CLASP2: variants seen among roughly 807,000 people sequenced by gnomAD.
CLASP2 encodes CLIP-associating protein 2.
Under a neutral mutation model 194.4 loss-of-function variants are expected in CLASP2, and 47 were observed. The observed-to-expected ratio is 0.24, with a 90% CI of 0.19 to 0.31. CLASP2 has a LOEUF of 0.31. CLASP2 is among the 10% of genes least tolerant of loss of function. CLASP2 has a pLI of 1.00. For synonymous variants in CLASP2, 619 were observed against 633.5 expected, an observed-to-expected ratio of 0.98 and a Z score of 0.34; for missense variants, 1,445 against 1,823.6, an observed-to-expected ratio of 0.79 and a Z score of 3.78.
At chr3:33,592,064 G>A in intron 21 of CLASP2, 1 of 612,656 alleles carries the variant, frequency 1.6e-6, no homozygotes, top group Admixed American at 2.7e-5. Context: ...ATATCTCCAT[G>A]CAAAAGTTTG....
At position 33,673,955 on chromosome 3, in the gene CLASP2, GAC is replaced by G. The variant is rs1403391295; in HGVS notation, c.644+10402_644+10403del. 5.9e-5 allele frequency among the ~76,000 whole-genome samples: 9 copies of G among 152,246 alleles called. No individual in the cohort carries two copies. The East Asian group carries it at 1.5e-3, about 26-fold the overall frequency. On this transcript the variant is annotated intron_variant, in intron 6 of 38. Coordinates refer to ENST00000682230, the MANE Select transcript of CLASP2 (RefSeq NM_001365631.1). Reference sequence around the variant, plus strand: ...CAGATTCATAAAGAAAGTCCTGAGTGACCTACAAAGAGACTTAGACTCCCACA... The same window carrying G: ...CAGATTCATAAAGAAAGTCCTGAGTGCTACAAAGAGACTTAGACTCCCACA...
At chr3:33,540,017 A>C (rs1293766049) in intron 32 of CLASP2, among the ~76,000 whole-genome samples, 3 of 151,302 alleles carry the variant, frequency 2.0e-5, no homozygotes, top group Non-Finnish European at 4.4e-5. Context: ...TCTCAGGCTC[A>C]AGCGATTCTC....
chr3:33,501,812 G>T, intron 37 of CLASP2, 44 bp from the exon 38 acceptor site: 1 of 1,199,114 alleles, frequency 8.3e-7, no homozygotes, highest in Non-Finnish European at 1.2e-6. Flanking sequence ...GAAGTCCACT[G>T]TTAGTACTCC....
chr3:33,596,144 G>C (rs898222327), intron 19 of CLASP2, among the ~76,000 whole-genome samples: 3 of 151,434 alleles, frequency 2.0e-5, no homozygotes, highest in African/African-American at 7.3e-5. Flanking sequence ...TATCATACAG[G>C]GTTGTTACTG....
chr3:33,712,833 G>A (rs2093083562), intron 1 of CLASP2, among the ~76,000 whole-genome samples: 1 of 151,610 alleles, frequency 6.6e-6, no homozygotes, highest in African/African-American at 2.4e-5. Context: ...ATGGTGGTGC[G>A]TGCCTGTAAT....
rs1347735141 is a variant in CLASP2 at position 33,560,879 on chromosome 3, T to C, written c.2859A>G (p.Leu953=). The C allele has an allele frequency of 1.2e-6, 2 of 1,613,842 alleles. No individual in the cohort carries two copies. Among genetic ancestry groups the C allele is most frequent in the African/African-American group, 1.3e-5 (1 of 74,928 alleles). Residue 953 remains leucine (L), a synonymous_variant, in exon 28 of 39, where the codon CTA becomes CTG. Coordinates refer to ENST00000682230, the MANE Select transcript of CLASP2 (RefSeq NM_001365631.1). The part of the protein sequence containing the change: ...QDWLFVLLTQ[L]LKKMGADLLG... Reference sequence around the variant, plus strand: ...GCAAATCAGCACCCATTTTTTTTAGTAGTTGTGTCAGCAGTACAAACAACC... The same window carrying C: ...GCAAATCAGCACCCATTTTTTTTAGCAGTTGTGTCAGCAGTACAAACAACC...
At chr3:33,506,544 A>G (rs1230094073) in intron 37 of CLASP2, among the ~76,000 whole-genome samples, 2 of 151,992 alleles carry the variant, frequency 1.3e-5, no homozygotes, top group African/African-American at 2.4e-5. Flanking sequence ...GAGTTCCAAA[A>G]AAGTTGATTC....
chr3:33,504,837 C>T (rs150142823), intron 37 of CLASP2: 2,077 of 152,624 alleles, frequency 0.014, 54 homozygotes, highest in African/African-American at 0.047. Context: ...TGACAGGAGG[C>T]GAAGCTCAGG....
At chr3:33,531,257 T>C (rs2056221070) in intron 34 of CLASP2, among the ~76,000 whole-genome samples, 2 of 152,010 alleles carry the variant, frequency 1.3e-5, no homozygotes, top group Non-Finnish European at 2.9e-5. Flanking sequence ...CAGAGTAAAA[T>C]GGCAACCCAC....
intron 5 of CLASP2, among the ~76,000 whole-genome samples, chr3:33,685,109 G>C (rs963189005): frequency 4.0e-5 from 6 of 151,556 alleles, no homozygotes; most frequent in Non-Finnish European, 7.4e-5. Context: ...GGGAGACCAA[G>C]GCTGGCGGTT....
chr3:33,690,612 T>C (rs2091241708), intron 2 of CLASP2, among the ~76,000 whole-genome samples: 1 of 152,214 alleles, frequency 6.6e-6, no homozygotes, highest in Non-Finnish European at 1.5e-5. Context: ...CTTTACTTTC[T>C]GTGGTTTCAG....
intron 28 of CLASP2, among the ~76,000 whole-genome samples, 195 bp from the exon 29 acceptor site, chr3:33,559,580 G>C (rs749830036): frequency 1.3e-5 from 2 of 152,180 alleles, no homozygotes; most frequent in Non-Finnish European, 2.9e-5. Context: ...ATCTGAATTT[G>C]TACTCAGTAC....
intron 13 of CLASP2, 115 bp from the exon 14 acceptor site, chr3:33,608,741 TA>T: frequency 2.7e-6 from 1 of 374,712 alleles, no homozygotes; most frequent in Non-Finnish European, 4.8e-6. Flanking sequence ...TGTTTTTAGA[TA>T]TCTTTTTTTT....
intron 32 of CLASP2, among the ~76,000 whole-genome samples, chr3:33,540,516 G>T (rs1156892600): frequency 6.6e-6 from 1 of 151,854 alleles, no homozygotes; most frequent in Non-Finnish European, 1.5e-5. Flanking sequence ...TGCTAGGATT[G>T]CAAGTGTGAG....
intron 6 of CLASP2, among the ~76,000 whole-genome samples, chr3:33,676,841 T>C (rs1452735574): frequency 6.6e-6 from 1 of 152,112 alleles, no homozygotes. Flanking sequence ...TACAATGAAC[T>C]TGAACAAATT....
intron 1 of CLASP2, among the ~76,000 whole-genome samples, chr3:33,698,288 T>C (rs2092107110): frequency 1.3e-5 from 2 of 152,038 alleles, no homozygotes; most frequent in South Asian, 4.1e-4. Flanking sequence ...AGGAAAAAGA[T>C]AAAAAGCCTT....
intron 7 of CLASP2, among the ~76,000 whole-genome samples, chr3:33,653,786 G>A (rs554101244): frequency 1.4e-4 from 21 of 152,168 alleles, no homozygotes; most frequent in South Asian, 8.3e-4. Context: ...TGGATGATAA[G>A]TAGTAATGGA....
chr3:33,549,541 A>G (rs1253906883), intron 30 of CLASP2, among the ~76,000 whole-genome samples: 1 of 151,772 alleles, frequency 6.6e-6, no homozygotes, highest in Non-Finnish European at 1.5e-5. Flanking sequence ...ATACCTTTCT[A>G]TTATTGACTC....
chr3:33,600,571 CAA>C lies in CLASP2; in HGVS notation c.1924+2379_1924+2380del, dbSNP rs527677391. On this transcript the variant is annotated intron_variant, in intron 18 of 38. Transcript: ENST00000682230. ...TTCTTGGCAATGTAATGCTTTGAAA[CAA>C]AAAGTTTTCTGAAAATTAAAAGCAG... Among the ~76,000 whole-genome samples the C allele has an allele frequency of 2.3e-3, 349 of 152,224 alleles. 1 individual carries two copies. The highest frequency in any genetic ancestry group is 3.4e-3 in the Non-Finnish European group (228 of 68,000).
Sources: gnomAD v4.1 joint callset for allele counts (sites outside exome capture counted in the v4.1 genomes callset) on GRCh38, gnomAD v4.1.1 for gene constraint, MANE v1.5 for transcripts, NCBI Gene and HGNC (gene_info 2026-07-23, HGNC 2026-07-21) for gene names.